PCDH15: variants seen among roughly 807,000 people sequenced by gnomAD.
PCDH15 encodes the protein protocadherin-15.
A neutral mutation model predicts 178.5 loss-of-function variants in PCDH15; 129 were observed. The ratio of observed to expected loss-of-function variants is 0.72; its 90% CI spans 0.63 to 0.84. PCDH15 has a LOEUF of 0.84. PCDH15 is among the 40% of genes least tolerant of loss of function. The probability of loss-of-function intolerance (pLI) is 0.00; values close to 1 mark genes in which losing one functional copy is unlikely to be tolerated. For missense variants in PCDH15, 2,230 were observed against 2,099.9 expected (o/e 1.06, Z -1.21); for synonymous variants, 800 against 732.0 (o/e 1.09, Z -1.50).
At chr10:54,316,964 A>G (rs1353748480) in intron 8 of PCDH15, among the ~76,000 whole-genome samples, 1 of 152,152 alleles carries the variant, frequency 6.6e-6, no homozygotes, top group African/African-American at 2.4e-5. Context: ...AAAATGCTGC[A>G]CTGATTATTT....
At chr10:55,473,088 A>C (rs141209015) in intron 2 of PCDH15, among the ~76,000 whole-genome samples, 1 of 152,302 alleles carries the variant, frequency 6.6e-6, no homozygotes, top group Non-Finnish European at 1.5e-5. Context: ...AAATTTGGAA[A>C]GTCCTGAGTT....
intron 9 of PCDH15, among the ~76,000 whole-genome samples, chr10:54,220,757 G>A (rs2052691931): frequency 6.6e-6 from 1 of 151,638 alleles, no homozygotes; most frequent in Non-Finnish European, 1.5e-5. Flanking sequence ...CCCAGGAGGC[G>A]GAGCTTGCAG....
chr10:54,591,046 C>T (rs2091855069), intron 2 of PCDH15, among the ~76,000 whole-genome samples: 1 of 151,856 alleles, frequency 6.6e-6, no homozygotes, highest in Admixed American at 6.6e-5. Context: ...GCATATATAC[C>T]CACATATTGG....
chr10:53,914,859 A>T (rs1011736552), intron 25 of PCDH15, among the ~76,000 whole-genome samples: 7 of 152,182 alleles, frequency 4.6e-5, no homozygotes, highest in African/African-American at 1.7e-4. Flanking sequence ...GAAAATATTG[A>T]CTCTGAAACC....
At chr10:53,980,960 T>C (rs1343139258) in intron 21 of PCDH15, among the ~76,000 whole-genome samples, 3 of 152,184 alleles carry the variant, frequency 2.0e-5, no homozygotes, top group Non-Finnish European at 4.4e-5. Flanking sequence ...ATGTAACAAA[T>C]GATATCAGCT....
chr10:54,067,976 T>G (rs556654445), intron 17 of PCDH15, among the ~76,000 whole-genome samples: 2 of 151,572 alleles, frequency 1.3e-5, no homozygotes, highest in African/African-American at 4.9e-5. Flanking sequence ...TTTTTTATTT[T>G]TTTTTATTTT....
chr10:54,714,036 C>A (rs2095452169), intron 1 of PCDH15, among the ~76,000 whole-genome samples: 1 of 152,140 alleles, frequency 6.6e-6, no homozygotes, highest in African/African-American at 2.4e-5. Context: ...TACTTCACCT[C>A]TGTGAGACTC....
At chr10:55,507,402 A>C (rs1329162230) in intron 2 of PCDH15, among the ~76,000 whole-genome samples, 3 of 151,434 alleles carry the variant, frequency 2.0e-5, no homozygotes, top group Non-Finnish European at 3.0e-5. Flanking sequence ...ACATACACAC[A>C]CATAAACTAG....
intron 1 of PCDH15, among the ~76,000 whole-genome samples, chr10:55,300,705 G>A (rs16907226): frequency 0.038 from 5,767 of 152,200 alleles, 148 homozygotes; most frequent in East Asian, 0.092. Flanking sequence ...GGAAGCTTAT[G>A]AGAAATTTTT....
intron 1 of PCDH15, among the ~76,000 whole-genome samples, chr10:54,760,429 C>T (rs1947721550): frequency 6.6e-6 from 1 of 152,078 alleles, no homozygotes; most frequent in Admixed American, 6.5e-5. Context: ...CCACACACAC[C>T]ACCCTGTGCC....
At chr10:54,210,016 A>G (rs570557739) in intron 10 of PCDH15, among the ~76,000 whole-genome samples, 1 of 152,118 alleles carries the variant, frequency 6.6e-6, no homozygotes, top group Non-Finnish European at 1.5e-5. Context: ...GGCATCAGGC[A>G]CATCAGCACT....
intron 15 of PCDH15, among the ~76,000 whole-genome samples, chr10:54,123,663 A>T (rs904195606): frequency 6.6e-6 from 1 of 152,138 alleles, no homozygotes; most frequent in African/African-American, 2.4e-5. Context: ...CAGCAATGCC[A>T]CCCAAAAGAA....
intron 18 of PCDH15, among the ~76,000 whole-genome samples, chr10:54,058,461 C>A (rs2093945132): frequency 6.6e-6 from 1 of 152,056 alleles, no homozygotes; most frequent in Non-Finnish European, 1.5e-5. Context: ...ACCATCACAT[C>A]TTGTGAGACT....
chr10:55,616,777 C>T (rs1452295082), intron 2 of PCDH15, among the ~76,000 whole-genome samples: 2 of 152,096 alleles, frequency 1.3e-5, no homozygotes, highest in Non-Finnish European at 2.9e-5. Context: ...AATATTAGCA[C>T]TGGTTGATAT....
intron 2 of PCDH15, chr10:55,599,743 C>T (rs1843028235): frequency 2.5e-5 from 10 of 406,686 alleles, no homozygotes; most frequent in Middle Eastern, 6.2e-4. Context: ...AAAAGGAACT[C>T]GGCACATTTC....
At chr10:55,030,904 A>T (rs1840594441) in intron 2 of PCDH15, among the ~76,000 whole-genome samples, 1 of 152,188 alleles carries the variant, frequency 6.6e-6, no homozygotes, top group Non-Finnish European at 1.5e-5. Context: ...TAAACTTCCA[A>T]AATAATGCTA....
chr10:54,765,178 G>A (rs372791024), intron 1 of PCDH15, among the ~76,000 whole-genome samples: 6 of 152,130 alleles, frequency 3.9e-5, no homozygotes, highest in South Asian at 4.2e-4. Flanking sequence ...CATAGGCCAC[G>A]TGCATAAATA....
intron 8 of PCDH15, among the ~76,000 whole-genome samples, chr10:54,302,768 G>A (rs1227549437): frequency 3.3e-5 from 5 of 152,096 alleles, no homozygotes; most frequent in Non-Finnish European, 7.4e-5. Context: ...ACTCTAGTAG[G>A]TCGCTCCTCC....
At chr10:54,610,959 T>G (rs911410946) in intron 2 of PCDH15, among the ~76,000 whole-genome samples, 3 of 151,862 alleles carry the variant, frequency 2.0e-5, no homozygotes, top group African/African-American at 7.2e-5. Context: ...TGGTCAGTGT[T>G]ATTTGCTTCT....
Sources: allele counts gnomAD v4.1 joint callset (sites outside exome capture counted in the v4.1 genomes callset), GRCh38; gene constraint gnomAD v4.1.1; transcripts MANE v1.5; gene names NCBI Gene and HGNC (gene_info 2026-07-23, HGNC 2026-07-21).